WDR76: variants seen among roughly 807,000 people sequenced by gnomAD.
WDR76 encodes the protein WD repeat-containing protein 76.
In WDR76, 52 loss-of-function variants were observed where a neutral mutation model predicts 70.2. That is an observed-to-expected ratio of 0.74 (90% CI 0.59 to 0.93). WDR76 has a LOEUF of 0.93. Among genes scored for constraint, WDR76 ranks in the 40% least tolerant of loss-of-function variants. The pLI, the probability that WDR76 is intolerant of heterozygous loss-of-function variation, is 0.00. For synonymous variants in WDR76, 292 were observed against 271.1 expected (o/e 1.08, Z -0.76); for missense variants, 756 against 760.2 (o/e 0.99, Z 0.07).
chr15:43,845,121 C>T (rs1348819194), intron 8 of WDR76, among the ~76,000 whole-genome samples: 1 of 146,890 alleles, frequency 6.8e-6, no homozygotes, highest in Non-Finnish European at 1.5e-5. Flanking sequence ...GCCACCATGC[C>T]TGGCTAATTT....
In WDR76 at chr15:43,866,477, G is replaced by A. The variant is rs1031269143; in HGVS notation, c.*85G>A. ...TCGGCGTGCCTTAGTGTGTTTATGTGGTAATGTGTTACATTTAGCAATTAT... is the reference window on the plus strand; with the variant it reads ...TCGGCGTGCCTTAGTGTGTTTATGTAGTAATGTGTTACATTTAGCAATTAT... On this transcript the variant is annotated 3_prime_UTR_variant, in exon 13 of 13. Transcript: ENST00000263795. 3.6e-5 allele frequency: 52 copies of A among 1,448,654 alleles called. No homozygotes were observed. The highest frequency in any genetic ancestry group is 4.8e-5 in the Non-Finnish European group (51 of 1,052,254). The allele number at this position is 1,448,654 out of a possible 1,614,324, so 89.7% of individuals were successfully genotyped here.
At chr15:43,837,588 T>TAAA (rs1172463062) in intron 4 of WDR76, among the ~76,000 whole-genome samples, 1 of 152,326 alleles carries the variant, frequency 6.6e-6, no homozygotes. Flanking sequence ...TTCAGTCACT[T>TAAA]ACAGCTATGA....
intron 9 of WDR76, 126 bp downstream of exon 9, chr15:43,851,371 C>T (rs2087858008): frequency 1.5e-6 from 2 of 1,300,908 alleles, no homozygotes; most frequent in East Asian, 2.4e-5. Context: ...AACTACGCTG[C>T]CTAAGTTCAA....
chr15:43,858,438 G>A lies in WDR76; in HGVS notation c.1410-233G>A, dbSNP rs148152768. The A allele has an allele frequency of 5.6e-3, 2,455 of 436,146 alleles. 13 individuals are homozygous for A. Among genetic ancestry groups the A allele is most frequent in the Non-Finnish European group, 7.7e-3 (1,879 of 244,190 alleles). The allele number at this position is 436,146 out of a possible 1,614,324, so 27.0% of individuals were successfully genotyped here. On this transcript the variant is annotated intron_variant, in intron 10 of 12. Coordinates refer to ENST00000263795, the MANE Select transcript of WDR76 (RefSeq NM_024908.4). ...TTAATCTTGTATTTTTAGTAGAGAC[G>A]GGGTTTCTCCATGTTGAGGCTGGTT...
intron 8 of WDR76, among the ~76,000 whole-genome samples, chr15:43,846,909 C>G (rs567010097): frequency 8.6e-5 from 13 of 150,974 alleles, no homozygotes; most frequent in Admixed American, 8.0e-4. Context: ...GTAATCCCAG[C>G]TACTTGGGAG....
chr15:43,831,101 G>A (rs983989897), intron 2 of WDR76, among the ~76,000 whole-genome samples: 26 of 151,872 alleles, frequency 1.7e-4, no homozygotes, highest in East Asian at 7.8e-4. Flanking sequence ...CGTGGTGGCA[G>A]GTGCCTGTAA....
chr15:43,860,855 T>A (rs1014442014), intron 11 of WDR76, among the ~76,000 whole-genome samples: 1 of 151,566 alleles, frequency 6.6e-6, no homozygotes, highest in Admixed American at 6.6e-5. Context: ...TTATAAAACG[T>A]CTTGTAACTT....
chr15:43,851,113 TTA>T lies in WDR76; in HGVS notation c.1061_1062del (p.Tyr354CysfsTer6), dbSNP rs1367542431. The stretch of plus-strand genomic sequence containing the variant: ...CCCAGCAACCTAAAGAAGATGGAGT[TTA>T]TGTTTTTCATCCCCATAGTCAGCCA... Reference protein sequence around the residue: ...LTQQPKEDGVYVFHPHSQPVS... With the variant: ...LTQQPKEDGVXVFHPHSQPVS... On this transcript the variant is annotated frameshift_variant, in exon 9 of 13. Coordinates refer to ENST00000263795, the MANE Select transcript of WDR76 (RefSeq NM_024908.4). LOFTEE classifies it high-confidence loss of function. The T allele has an allele frequency of 8.1e-6, 13 of 1,614,068 alleles. No homozygotes were observed. Among genetic ancestry groups the T allele is most frequent in the Admixed American group, 5.0e-5 (3 of 60,002 alleles).
Position 43,861,004 on chromosome 15 carries a change from T to G in WDR76, c.1563-329T>G, listed in dbSNP as rs1020875077. Among the ~76,000 whole-genome samples the G allele has an allele frequency of 2.1e-5, 3 of 142,910 alleles. No individual in the cohort carries two copies. The Admixed American group carries it at 2.2e-4, about 10-fold the overall frequency. The allele number at this position is 142,910 out of a possible 152,430, so 93.8% of individuals were successfully genotyped here. ...AGAGTGATCATAGCTTAGTGTAATC[T>G]CAAACTCCTGGGCTCAAGTGATCTT... On this transcript the variant is annotated intron_variant, in intron 11 of 12. Coordinates refer to ENST00000263795, the MANE Select transcript of WDR76 (RefSeq NM_024908.4).
At chr15:43,852,560 C>T (rs535205676) in intron 9 of WDR76, among the ~76,000 whole-genome samples, 13 of 152,102 alleles carry the variant, frequency 8.5e-5, no homozygotes, top group African/African-American at 2.9e-4. Flanking sequence ...TTAGTAGGGA[C>T]GGGGTTTCAC....
chr15:43,858,561 A>T (rs1413147132), intron 10 of WDR76, 110 bp from the exon 11 acceptor site: 5 of 1,393,884 alleles, frequency 3.6e-6, no homozygotes, highest in Non-Finnish European at 4.9e-6. Flanking sequence ...TTCTGTCTTA[A>T]ATGTTCTTCA....
At chr15:43,862,517 G>GTT (rs571779112) in intron 12 of WDR76, among the ~76,000 whole-genome samples, 1 of 137,548 alleles carries the variant, frequency 7.3e-6, no homozygotes, top group Non-Finnish European at 1.6e-5. Context: ...TTGTTTTTTT[G>GTT]TTTTTTTTTG....
In WDR76 at chr15:43,866,324, C is replaced by G; in HGVS notation, c.1813C>G (p.Arg605Gly). 1 of 1,613,998 alleles carries G rather than the reference C, an allele frequency of 6.2e-7. No homozygotes were observed. Among genetic ancestry groups the G allele is most frequent in the Admixed American group, 1.7e-5 (1 of 60,006 alleles). Residue 605 changes from arginine (R) to glycine (G), a missense_variant, in exon 13 of 13, where the codon CGG becomes GGG. Arg to Gly is a moderately radical substitution (Grantham distance 125, BLOSUM62 -2). Transcript: ENST00000263795. Reference sequence around the variant, plus strand: ...TTCCATCAATGCCATGCACCCAACTCGGTATATTTTGGCTGGAGGTAATTC... The same window carrying G: ...TTCCATCAATGCCATGCACCCAACTGGGTATATTTTGGCTGGAGGTAATTC... ...VCSINAMHPT[R>G]YILAGGNSSG...
At chr15:43,856,674 A>C (rs753129508) in intron 9 of WDR76, among the ~76,000 whole-genome samples, 4 of 151,678 alleles carry the variant, frequency 2.6e-5, no homozygotes, top group Non-Finnish European at 4.4e-5. Context: ...GGGTAACTAT[A>C]GTTAACAACA....
intron 10 of WDR76, chr15:43,857,532 C>G: frequency 1.9e-5 from 19 of 985,298 alleles, no homozygotes; most frequent in Non-Finnish European, 2.3e-5. Context: ...CAACTAGAAA[C>G]TTGACAGCTG....
At chr15:43,863,673 C>T (rs2088034420) in intron 12 of WDR76, among the ~76,000 whole-genome samples, 1 of 152,030 alleles carries the variant, frequency 6.6e-6, no homozygotes, top group Non-Finnish European at 1.5e-5. Context: ...AGTCCTCTTG[C>T]CTCAGCCTCC....
intron 12 of WDR76, among the ~76,000 whole-genome samples, chr15:43,862,137 T>A (rs932571118): frequency 6.6e-6 from 1 of 151,810 alleles, no homozygotes; most frequent in Non-Finnish European, 1.5e-5. Flanking sequence ...CGCCTGGCCT[T>A]GTATGTGTGT....
rs769735637 is a variant in WDR76, at chr15:43,843,918, A to G, written c.896A>G (p.Asn299Ser). ...SSIKSYKANL[N>S]GMVISEDTVY... Reference sequence around the variant, plus strand: ...TTTCTTAGCTACAAAGCCAATTTAAATGGCATGGTCATTAGTGAAGATACC... The same window carrying G: ...TTTCTTAGCTACAAAGCCAATTTAAGTGGCATGGTCATTAGTGAAGATACC... The change falls in exon 8 of 13, where the codon AAT becomes AGT. Residue 299 changes from asparagine (N) to serine (S), a missense_variant. Coordinates refer to ENST00000263795, the MANE Select transcript of WDR76 (RefSeq NM_024908.4). 2 of 1,577,858 alleles carry G rather than the reference A, an allele frequency of 1.3e-6. No individual in the cohort carries two copies. Among genetic ancestry groups the G allele is most frequent in the African/African-American group, 2.7e-5 (2 of 73,752 alleles).
chr15:43,827,179 G>C, intron 1 of WDR76, 87 bp downstream of exon 1: 1 of 1,553,264 alleles, frequency 6.4e-7, no homozygotes, highest in Non-Finnish European at 8.9e-7. Flanking sequence ...GAGGTCGAGG[G>C]CACCTGGCAC....
Sources: gnomAD v4.1 joint callset for allele counts (sites outside exome capture counted in the v4.1 genomes callset) on GRCh38, gnomAD v4.1.1 for gene constraint, MANE v1.5 for transcripts, NCBI Gene and HGNC (gene_info 2026-07-23, HGNC 2026-07-21) for gene names.